UNC5D: variants seen among roughly 807,000 people sequenced by gnomAD.
UNC5D encodes unc-5 netrin receptor D, also known as netrin receptor UNC5D.
UNC5D carries 39 observed loss-of-function variants against 105.4 expected under a neutral mutation model. That is an observed-to-expected ratio of 0.37 (90% CI 0.29 to 0.48). UNC5D has a LOEUF of 0.48. UNC5D is among the 20% of genes least tolerant of loss of function. The probability of loss-of-function intolerance (pLI) is 0.98; values close to 1 mark genes in which losing one functional copy is unlikely to be tolerated. For synonymous variants in UNC5D, 452 were observed against 450.4 expected, an observed-to-expected ratio of 1.00 and a Z score of -0.04; for missense variants, 991 against 1,202.4, an observed-to-expected ratio of 0.82 and a Z score of 2.60.
At chr8:35,325,843 A>G (rs763666654) in intron 1 of UNC5D, among the ~76,000 whole-genome samples, 4 of 152,130 alleles carry the variant, frequency 2.6e-5, no homozygotes, top group African/African-American at 2.4e-5. Flanking sequence ...ACCACAATTA[A>G]TGGTCACCAA....
At chr8:35,697,105 TGAGA>T (rs1210522740) in intron 7 of UNC5D, among the ~76,000 whole-genome samples, 3 of 150,912 alleles carry the variant, frequency 2.0e-5, no homozygotes, top group Non-Finnish European at 2.9e-5. Context: ...CTTAAAAACT[TGAGA>T]TAGATAGATA....
chr8:35,751,293 T>C (rs1380252396), intron 13 of UNC5D, among the ~76,000 whole-genome samples: 1 of 152,150 alleles, frequency 6.6e-6, no homozygotes, highest in African/African-American at 2.4e-5. Context: ...CAAGCACTGA[T>C]TTTAGGATTT....
intron 1 of UNC5D, among the ~76,000 whole-genome samples, chr8:35,476,540 C>T (rs1027584765): frequency 1.3e-5 from 2 of 152,206 alleles, no homozygotes; most frequent in African/African-American, 4.8e-5. Context: ...TGAACACTCT[C>T]TGGCCAACAC....
intron 1 of UNC5D, among the ~76,000 whole-genome samples, chr8:35,338,918 G>A (rs1811251343): frequency 6.6e-6 from 1 of 151,914 alleles, no homozygotes; most frequent in Admixed American, 6.6e-5. Context: ...CTTGATGTAA[G>A]CCTGTATGTA....
At chr8:35,275,875 C>A (rs1805740729) in intron 1 of UNC5D, among the ~76,000 whole-genome samples, 1 of 151,988 alleles carries the variant, frequency 6.6e-6, no homozygotes, top group Non-Finnish European at 1.5e-5. Flanking sequence ...TTTTTCTCAT[C>A]ACACCAAGAC....
At chr8:35,539,289 C>T (rs1445316357) in intron 1 of UNC5D, among the ~76,000 whole-genome samples, 1 of 151,904 alleles carries the variant, frequency 6.6e-6, no homozygotes, top group Admixed American at 6.6e-5. Flanking sequence ...TTGTATTTTT[C>T]TATAATTTAG....
chr8:35,450,169 TAGTA>T (rs1373317463), intron 1 of UNC5D, among the ~76,000 whole-genome samples: 1 of 152,156 alleles, frequency 6.6e-6, no homozygotes, highest in Non-Finnish European at 1.5e-5. Flanking sequence ...GTTTAGTACT[TAGTA>T]AGAGTGTTGT....
chr8:35,643,134 TG>T (rs1041795265), intron 4 of UNC5D, among the ~76,000 whole-genome samples: 2 of 152,066 alleles, frequency 1.3e-5, no homozygotes, highest in African/African-American at 2.4e-5. Flanking sequence ...GTCTTTGTTG[TG>T]GGGGGGCTGT....
intron 1 of UNC5D, among the ~76,000 whole-genome samples, chr8:35,463,116 A>G (rs926714828): frequency 3.9e-5 from 6 of 152,188 alleles, no homozygotes; most frequent in East Asian, 3.9e-4. Context: ...AGCATTTCCA[A>G]TTGGATTTGT....
rs953137749 is a variant in UNC5D at position 35,711,394 on chromosome 8, C to T, written c.1117+5433C>T. 2.0e-5 allele frequency among the ~76,000 whole-genome samples: 3 copies of T among 151,620 alleles called. 1 individual carries two copies. The highest frequency in any genetic ancestry group is 4.4e-5 in the Non-Finnish European group (3 of 67,892). On this transcript the variant is annotated intron_variant, in intron 8 of 16. Transcript: ENST00000404895. ...GGGGTTTCACCACGTTGCCCAGGCC[C>T]GTCTTGAACTCCTGACCTCAGGTGA... is the stretch of plus-strand genomic sequence containing the variant.
intron 1 of UNC5D, among the ~76,000 whole-genome samples, chr8:35,444,018 T>C (rs1299506499): frequency 3.3e-5 from 5 of 152,016 alleles, no homozygotes; most frequent in African/African-American, 1.2e-4. Context: ...GTTGAAAACA[T>C]AAATTATTTG....
intron 1 of UNC5D, among the ~76,000 whole-genome samples, chr8:35,372,227 G>A (rs550907860): frequency 6.6e-6 from 1 of 152,028 alleles, no homozygotes; most frequent in Non-Finnish European, 1.5e-5. Flanking sequence ...GGGGTCAAGC[G>A]ATCCTCCCAC....
intron 1 of UNC5D, among the ~76,000 whole-genome samples, chr8:35,312,504 A>G (rs1401739621): frequency 1.3e-5 from 2 of 152,198 alleles, no homozygotes; most frequent in South Asian, 2.1e-4. Flanking sequence ...AATGCAAGGT[A>G]GTTTAGCTTC....
At chr8:35,562,335 A>C (rs1271197162) in intron 2 of UNC5D, among the ~76,000 whole-genome samples, 1 of 152,068 alleles carries the variant, frequency 6.6e-6, no homozygotes, top group Non-Finnish European at 1.5e-5. Flanking sequence ...CCTTTTTAGG[A>C]GGATATATAT....
chr8:35,311,956 G>T (rs1320367937), intron 1 of UNC5D, among the ~76,000 whole-genome samples: 1 of 151,758 alleles, frequency 6.6e-6, no homozygotes, highest in African/African-American at 2.4e-5. Flanking sequence ...CTAGAATAAC[G>T]GGAAAAAAAA....
At position 35,563,614 on chromosome 8, in the gene UNC5D, C is replaced by T. The variant is rs1438591336; in HGVS notation, c.323-4484C>T. Among the ~76,000 whole-genome samples, 6 of 152,136 alleles carry T rather than the reference C, an allele frequency of 3.9e-5. No homozygotes were observed. In the East Asian group the frequency reaches 9.7e-4, roughly 25 times the overall value. On this transcript the variant is annotated intron_variant, in intron 2 of 16. Transcript: ENST00000404895. ...CCAAATGGATGCCTTTTATTTGTTT[C>T]TCTTGCCTGATTGCTCTGGCTAGGA...
At chr8:35,260,324 C>T (rs1804396013) in intron 1 of UNC5D, among the ~76,000 whole-genome samples, 1 of 152,130 alleles carries the variant, frequency 6.6e-6, no homozygotes. Flanking sequence ...TAGTGAGGTG[C>T]TTACTACAAG....
chr8:35,758,484 T>C (rs1830614025), intron 13 of UNC5D, among the ~76,000 whole-genome samples: 1 of 152,196 alleles, frequency 6.6e-6, no homozygotes. Flanking sequence ...TCTCTTATAT[T>C]CAGTAACACC....
chr8:35,381,055 G>T (rs545586763), intron 1 of UNC5D, among the ~76,000 whole-genome samples: 1 of 151,924 alleles, frequency 6.6e-6, no homozygotes, highest in East Asian at 1.9e-4. Flanking sequence ...GAGAGAGAGA[G>T]TAAGTGAGTG....
Sources: gnomAD v4.1 joint callset for allele counts (sites outside exome capture counted in the v4.1 genomes callset) on GRCh38, gnomAD v4.1.1 for gene constraint, MANE v1.5 for transcripts, NCBI Gene and HGNC (gene_info 2026-07-23, HGNC 2026-07-21) for gene names.